ARL15: variants seen among roughly 807,000 people sequenced by gnomAD.
ARL15 encodes ARF like GTPase 15, also known as ADP-ribosylation factor-like protein 15.
A neutral mutation model predicts 25.2 loss-of-function variants in ARL15; 19 were observed. The observed-to-expected ratio is 0.75, with a 90% CI of 0.53 to 1.10. The LOEUF (loss-of-function observed/expected upper bound fraction) is 1.10, where lower values mean the gene tolerates loss of function less well. ARL15 is among the 50% of genes least tolerant of loss of function. The probability of loss-of-function intolerance (pLI) is 0.00; values close to 1 mark genes in which losing one functional copy is unlikely to be tolerated. For missense variants in ARL15, 220 were observed against 246.0 expected (o/e 0.89, Z 0.71); for synonymous variants, 94 against 86.8 (o/e 1.08, Z -0.46).
intron 4 of ARL15, among the ~76,000 whole-genome samples, chr5:54,098,751 G>C (rs1258506630): frequency 6.6e-6 from 1 of 152,162 alleles, no homozygotes; most frequent in Non-Finnish European, 1.5e-5. Context: ...ATCAGGTCCT[G>C]TTGGTTGTTA....
intron 4 of ARL15, among the ~76,000 whole-genome samples, chr5:54,022,071 G>A (rs935269281): frequency 2.0e-5 from 3 of 152,134 alleles, no homozygotes; most frequent in African/African-American, 4.8e-5. Flanking sequence ...AGGGGCAATT[G>A]AGACATACTC....
intron 4 of ARL15, among the ~76,000 whole-genome samples, chr5:53,980,240 G>C (rs1282119718): frequency 2.0e-5 from 3 of 152,156 alleles, no homozygotes; most frequent in Non-Finnish European, 2.9e-5. Context: ...AGTTTGAAAA[G>C]CAATCTGCAG....
chr5:54,079,528 A>AG (rs1363345415), intron 4 of ARL15, among the ~76,000 whole-genome samples: 2 of 152,208 alleles, frequency 1.3e-5, no homozygotes, highest in Non-Finnish European at 2.9e-5. Context: ...TATATTGATG[A>AG]GAAAAAAAAT....
chr5:54,289,375 A>AG (rs1216590591), intron 1 of ARL15, among the ~76,000 whole-genome samples: 6 of 152,018 alleles, frequency 3.9e-5, no homozygotes, highest in East Asian at 1.9e-4. Context: ...AAAAAAAAAA[A>AG]AGAGAGAATG....
At chr5:53,891,469 A>G (rs1744706041) in intron 4 of ARL15, among the ~76,000 whole-genome samples, 1 of 152,208 alleles carries the variant, frequency 6.6e-6, no homozygotes, top group African/African-American at 2.4e-5. Flanking sequence ...AGTCATTGCT[A>G]GAAATGAAAA....
intron 4 of ARL15, among the ~76,000 whole-genome samples, chr5:54,097,522 T>C (rs569722751): frequency 6.6e-6 from 1 of 152,294 alleles, no homozygotes; most frequent in Admixed American, 6.5e-5. Context: ...AAAATGGTAG[T>C]CAAATACAAG....
chr5:53,895,369 C>CTCT (rs1291944261), intron 4 of ARL15, among the ~76,000 whole-genome samples: 1 of 152,168 alleles, frequency 6.6e-6, no homozygotes, highest in Non-Finnish European at 1.5e-5. Flanking sequence ...TTAAAGAAAG[C>CTCT]CATATTTTAT....
chr5:54,238,816 G>C (rs546043317), intron 1 of ARL15, among the ~76,000 whole-genome samples: 27 of 152,262 alleles, frequency 1.8e-4, no homozygotes, highest in Admixed American at 7.8e-4. Context: ...CTTGACTCAG[G>C]GTAGACTGAC....
chr5:53,954,712 C>T (rs1038109043), intron 4 of ARL15, among the ~76,000 whole-genome samples: 14 of 152,122 alleles, frequency 9.2e-5, no homozygotes, highest in African/African-American at 3.1e-4. Flanking sequence ...ATACTCAAAA[C>T]GGTCAGTAAA....
intron 1 of ARL15, among the ~76,000 whole-genome samples, chr5:54,290,638 A>G (rs1343581169): frequency 6.6e-6 from 1 of 152,154 alleles, no homozygotes; most frequent in Non-Finnish European, 1.5e-5. Flanking sequence ...ATAATATTTA[A>G]TATTTTTAAT....
chr5:54,050,055 T>C lies in ARL15; in HGVS notation c.462+63147A>G, dbSNP rs566612512. 1.5e-4 allele frequency among the ~76,000 whole-genome samples: 23 copies of C among 152,272 alleles called. No individual in the cohort carries two copies. The Middle Eastern group carries it at 0.01, about 68-fold the overall frequency. ...CTAGCCATGTGCAGGGAATTTTCTC[T>C]TTTTGTTGGTTAACACTCTTCCTCA... On this transcript the variant is annotated intron_variant, in intron 4 of 4. Coordinates refer to ENST00000504924, the MANE Select transcript of ARL15 (RefSeq NM_019087.3).
At chr5:54,300,460 T>C (rs923956512) in intron 1 of ARL15, among the ~76,000 whole-genome samples, 2 of 152,296 alleles carry the variant, frequency 1.3e-5, no homozygotes, top group Non-Finnish European at 2.9e-5. Flanking sequence ...CCACCCTCCA[T>C]CTGATTACAA....
chr5:54,144,834 G>C (rs181965514), intron 3 of ARL15, among the ~76,000 whole-genome samples: 3 of 152,250 alleles, frequency 2.0e-5, no homozygotes, highest in Admixed American at 6.5e-5. Flanking sequence ...CAAGGATTTA[G>C]TTTGTGGGTA....
chr5:54,127,214 G>A (rs1753286241), intron 3 of ARL15, among the ~76,000 whole-genome samples: 1 of 152,148 alleles, frequency 6.6e-6, no homozygotes, highest in Non-Finnish European at 1.5e-5. Context: ...TGGTGTATAT[G>A]TGCCACATTT....
chr5:54,191,953 G>GCCTCCTT (rs1318785510), intron 1 of ARL15, among the ~76,000 whole-genome samples: 1 of 152,012 alleles, frequency 6.6e-6, no homozygotes, highest in African/African-American at 2.4e-5. Context: ...TATAAAATCT[G>GCCTCCTT]CCTCCTTCCT....
chr5:54,286,260 C>G (rs1758178257), intron 1 of ARL15: 1 of 152,128 alleles, frequency 6.6e-6, no homozygotes, highest in Admixed American at 6.6e-5. Context: ...CATTTGCAAT[C>G]TAAAGCAAAG....
Position 54,185,067 on chromosome 5 carries a change from G to C in ARL15, c.49-13139C>G, listed in dbSNP as rs1000876769. Among the ~76,000 whole-genome samples the C allele has an allele frequency of 3.3e-5, 5 of 152,230 alleles. No individual in the cohort carries two copies. The East Asian group carries it at 9.7e-4, about 29-fold the overall frequency. ...CCTTCATTTCTGGCATCCAATAGTT[G>C]TTATGGGGACCACAGGAAATAACGT... is the stretch of plus-strand genomic sequence containing the variant. On this transcript the variant is annotated intron_variant, in intron 1 of 4. Transcript: ENST00000504924.
intron 4 of ARL15, among the ~76,000 whole-genome samples, chr5:54,104,089 C>T (rs903813845): frequency 2.0e-5 from 3 of 152,048 alleles, no homozygotes; most frequent in African/African-American, 7.2e-5. Flanking sequence ...TGGCTCTTCC[C>T]GTTCCCCTCT....
At chr5:54,125,075 G>GTTTTTTTTTTTTTTT (rs774608441) in intron 3 of ARL15, among the ~76,000 whole-genome samples, 3 of 134,968 alleles carry the variant, frequency 2.2e-5, no homozygotes, top group Non-Finnish European at 3.2e-5. Context: ...TTTTTGTTTT[G>GTTTTTTTTTTTTTTT]TTTTGTTTTG....
Sources: allele counts gnomAD v4.1 joint callset (sites outside exome capture counted in the v4.1 genomes callset), GRCh38; gene constraint gnomAD v4.1.1; transcripts MANE v1.5; gene names NCBI Gene and HGNC (gene_info 2026-07-23, HGNC 2026-07-21).